The following COL6A3 variants were observed in gnomAD, a reference collection of about 807,000 sequenced individuals.
COL6A3 encodes the protein collagen alpha-3(VI) chain.
Under a neutral mutation model 274.1 loss-of-function variants are expected in COL6A3, and 137 were observed. The observed-to-expected ratio is 0.50, with a 90% CI of 0.44 to 0.58. COL6A3 has a LOEUF of 0.58. COL6A3 is among the 20% of genes least tolerant of loss of function. COL6A3 has a pLI of 0.00. For synonymous variants in COL6A3, 1,650 were observed against 1,650.6 expected, an observed-to-expected ratio of 1.00 and a Z score of 0.01; for missense variants, 3,950 against 4,124.9, an observed-to-expected ratio of 0.96 and a Z score of 1.16.
intron 41 of COL6A3, 123 bp downstream of exon 41, chr2:237,334,503 T>C: frequency 1.9e-6 from 2 of 1,058,894 alleles, no homozygotes; most frequent in South Asian, 2.8e-5. Context: ...TTGTTGTTGC[T>C]GTTGTTGTTT....
At chr2:237,367,313 G>A in intron 10 of COL6A3, 27 bp from the exon 11 acceptor site, 1 of 1,602,984 alleles carries the variant, frequency 6.2e-7, no homozygotes. Context: ...TGAAAATAAG[G>A]AGAGATTAGG....
At chr2:237,375,119 T>A (rs1463853288) in intron 7 of COL6A3, 99 bp from the exon 8 acceptor site, 1 of 1,554,838 alleles carries the variant, frequency 6.4e-7, no homozygotes, top group African/African-American at 1.4e-5. Context: ...GATGTCCAAG[T>A]CCAAATCCCC....
chr2:237,397,869 T>C (rs997587774), intron 1 of COL6A3, among the ~76,000 whole-genome samples: 2 of 152,252 alleles, frequency 1.3e-5, no homozygotes, highest in Non-Finnish European at 2.9e-5. Context: ...TAAAAAGCTA[T>C]GCAATTAAAC....
In COL6A3 at chr2:237,342,005, A is replaced by G; in HGVS notation, c.7765+60T>C. 2.2e-6 allele frequency: 3 copies of G among 1,351,604 alleles called. No homozygotes were observed. In the Admixed American group the frequency reaches 5.2e-5, roughly 24 times the overall value. 83.7% of individuals were successfully genotyped at this position (1,351,604 alleles called of 1,614,324 possible). A position where few individuals can be genotyped will look rare whatever the true frequency, so the allele number is the denominator to read the frequency against. ...ATCATCATTATTCTCTCACTCTCCC[A>G]TGGATATTATGTTTTGCAATTGCAG... On this transcript the variant is annotated intron_variant, in intron 37 of 43. Transcript: ENST00000295550.
intron 4 of COL6A3, among the ~76,000 whole-genome samples, chr2:237,385,100 C>T (rs2078112234): frequency 6.6e-6 from 1 of 152,176 alleles, no homozygotes; most frequent in African/African-American, 2.4e-5. Flanking sequence ...ATTCCCTTCC[C>T]CAGTCTTCCT....
chr2:237,405,522 AGAG>A (rs1197703255), intron 1 of COL6A3, among the ~76,000 whole-genome samples: 1 of 152,004 alleles, frequency 6.6e-6, no homozygotes, highest in African/African-American at 2.4e-5. Context: ...GAGGAAGGAG[AGAG>A]GAGAGTGCTG....
rs1185365265 is a variant in COL6A3 at position 237,368,637 on chromosome 2, A to C, written c.4826T>G (p.Ile1609Ser). ...TGCGGAGGGTCCAAACGAGTTCATG[A>C]TTCTTTCTTCTATGTTGGGAAGCTC... is the stretch of plus-strand genomic sequence containing the variant. Reference protein sequence around the residue: ...FRELPNIEERIMNSFGPSAAT... With the variant: ...FRELPNIEERSMNSFGPSAAT... The change falls in exon 10 of 44, where the codon ATC becomes AGC. Residue 1609 changes from isoleucine to serine, a missense_variant. Ile to Ser is a moderately radical substitution (Grantham distance 142). Around this residue, in one of 5 missense-constraint regions of COL6A3, gnomAD observed 632 missense variants for 623.4 expected, o/e 1.01. Transcript: ENST00000295550. The surrounding 1 kb of genome is among the most constrained non-coding windows in gnomAD (Gnocchi z 4.4). 4 of 1,613,904 alleles carry C rather than the reference A, an allele frequency of 2.5e-6. No individual in the cohort carries two copies. The highest frequency in any genetic ancestry group is 3.4e-6 in the Non-Finnish European group (4 of 1,179,998).
intron 1 of COL6A3, among the ~76,000 whole-genome samples, chr2:237,408,611 A>C (rs371974976): frequency 4.0e-4 from 61 of 152,310 alleles, no homozygotes; most frequent in African/African-American, 1.5e-3. Flanking sequence ...CCGAGCCATG[A>C]GCTCTTCCTT....
rs540897134 is a variant in COL6A3, at chr2:237,345,047, C to A, written c.7162+11G>T. The A allele has an allele frequency of 3.1e-6, 5 of 1,614,030 alleles. No homozygotes were observed. The African/African-American group carries it at 6.7e-5, about 22-fold the overall frequency. ...TATGCATTGTGAGACAACAGAAAAT[C>A]ATGTACTTACGGCATTTATCTTTGA... On this transcript the variant is annotated intron_variant, in intron 34 of 43. Transcript: ENST00000295550.
At position 237,372,138 on chromosome 2, in the gene COL6A3, A is replaced by C. The variant is rs74425496; in HGVS notation, c.3879T>G (p.Asp1293Glu). Residue 1293 changes from aspartate (D) to glutamate (E), a missense_variant, in exon 9 of 44, where the codon GAT becomes GAG. Transcript: ENST00000295550. Reference sequence around the variant, plus strand: ...GCCGCTGCACCGCGTTCTGCACTTCATCCTTGCTGGAATGGGCGTTCAGCA... The same window carrying C: ...GCCGCTGCACCGCGTTCTGCACTTCCTCCTTGCTGGAATGGGCGTTCAGCA... ...EFLLNAHSSK[D>E]EVQNAVQRLR... 2,219 of 1,613,964 alleles carry C rather than the reference A, an allele frequency of 1.4e-3. 60 individuals carry two copies. In the East Asian group the frequency reaches 0.046, roughly 34 times the overall value.
intron 1 of COL6A3, among the ~76,000 whole-genome samples, chr2:237,398,213 T>C (rs57151190): frequency 6.6e-6 from 1 of 152,244 alleles, no homozygotes; most frequent in African/African-American, 2.4e-5. Flanking sequence ...CACAGTGGAA[T>C]GAGCCTGGGG....
intron 1 of COL6A3, among the ~76,000 whole-genome samples, chr2:237,403,484 G>A (rs562517326): frequency 6.6e-6 from 1 of 152,228 alleles, no homozygotes; most frequent in South Asian, 2.1e-4. Context: ...GCAGTCTCTT[G>A]GAAATGCATC....
At position 237,387,878 on chromosome 2, in the gene COL6A3, C is replaced by T. The variant is rs1220699464; in HGVS notation, c.1016G>A (p.Gly339Asp). ...VVENHFTRAG[G>D]SRVEEGVPQV... ...GGGAACCCCTTCCTCCACGCGGCTG[C>T]CCCCTGCCCGGGTGAAGTGGTTCTC... The change falls in exon 4 of 44, where the codon GGC (glycine) becomes GAC (aspartate). Residue 339 changes from glycine (G) to aspartate (D), a missense_variant. Gly to Asp is a moderately conservative substitution (Grantham distance 94). Transcript: ENST00000295550. 2 of 1,614,058 alleles carry T rather than the reference C, an allele frequency of 1.2e-6. No individual in the cohort carries two copies. Among genetic ancestry groups the T allele is most frequent in the Admixed American group, 1.7e-5 (1 of 60,020 alleles).
chr2:237,374,531 G>A lies in COL6A3; in HGVS notation c.3560C>T (p.Ala1187Val), dbSNP rs1303076063. Residue 1187 changes from alanine to valine, a missense_variant, in exon 8 of 44, where the codon GCC becomes GTC. This residue lies in a region of COL6A3 where 1,934 missense variants were observed against 1,984.3 expected (regional missense o/e 0.97). Transcript: ENST00000295550. The surrounding 1 kb of genome is among the most constrained non-coding windows in gnomAD (Gnocchi z 4.8). ...CCCCAGCTGGCGAAAGGTGGGAATG[G>A]CCACGGCAAAGTCCGGGATGAAGGA... ...TISFIPDFAV[A>V]IPTFRQLGTV... 17 of 1,614,094 alleles carry A rather than the reference G, an allele frequency of 1.1e-5. No individual in the cohort carries two copies. The East Asian group carries it at 2.5e-4, about 23-fold the overall frequency.
At chr2:237,355,761 A>G (rs1035934216) in intron 23 of COL6A3, 7 of 152,226 alleles carry the variant, frequency 4.6e-5, no homozygotes, top group Non-Finnish European at 8.8e-5. Flanking sequence ...TGCGGTGACC[A>G]GTTTGCCATT....
intron 9 of COL6A3, 32 bp from the exon 10 acceptor site, chr2:237,369,209 C>T: frequency 1.2e-6 from 2 of 1,601,984 alleles, no homozygotes; most frequent in Non-Finnish European, 1.7e-6. Context: ...GGGAAACATT[C>T]AGTGTGTAAG....
intron 6 of COL6A3, 95 bp from the exon 7 acceptor site, chr2:237,377,439 T>C: frequency 8.1e-7 from 1 of 1,229,844 alleles, no homozygotes; most frequent in Non-Finnish European, 1.2e-6. Context: ...CAGGAGTTGG[T>C]GAAACTCATC....
At chr2:237,379,383 G>C in intron 5 of COL6A3, 148 bp from the exon 6 acceptor site, 1 of 1,008,844 alleles carries the variant, frequency 9.9e-7, no homozygotes, top group South Asian at 1.4e-5. Context: ...AAATATGGCA[G>C]ATGGCTGCAT....
At chr2:237,400,129 T>C (rs923111738) in intron 1 of COL6A3, among the ~76,000 whole-genome samples, 1 of 152,216 alleles carries the variant, frequency 6.6e-6, no homozygotes, top group Non-Finnish European at 1.5e-5. Context: ...TCTAGGGAGA[T>C]TGAGTTTTCA....
Sources: gnomAD v4.1 joint callset for allele counts (sites outside exome capture counted in the v4.1 genomes callset) on GRCh38, gnomAD v4.1.1 for gene constraint, gnomAD v4.1.1 regional missense constraint, Gnocchi (gnomAD v3.1) non-coding constraint, MANE v1.5 for transcripts, NCBI Gene and HGNC (gene_info 2026-07-23, HGNC 2026-07-21) for gene names.